Variants in FMN2 observed in about 807,000 individuals in gnomAD.
FMN2 encodes the protein formin 2.
FMN2 carries 51 observed loss-of-function variants against 142.3 expected under a neutral mutation model. The observed-to-expected ratio is 0.36, with a 90% CI of 0.29 to 0.45. The LOEUF (loss-of-function observed/expected upper bound fraction) is 0.45. Ranked by LOEUF, FMN2 falls within the 20% of genes least tolerant of loss-of-function variation. The pLI, the probability that FMN2 is intolerant of heterozygous loss-of-function variation, is 1.00. For missense variants in FMN2, 1,936 were observed against 2,122.8 expected, an observed-to-expected ratio of 0.91 and a Z score of 1.73; for synonymous variants, 882 against 869.8, an observed-to-expected ratio of 1.01 and a Z score of -0.25.
intron 14 of FMN2, among the ~76,000 whole-genome samples, chr1:240,358,879 A>G (rs946626452): frequency 6.6e-6 from 1 of 152,170 alleles, no homozygotes; most frequent in African/African-American, 2.4e-5. Flanking sequence ...GCTCACTCCC[A>G]TAATCCCGGC....
At chr1:240,427,528 A>C (rs920613995) in intron 15 of FMN2, among the ~76,000 whole-genome samples, 1 of 152,152 alleles carries the variant, frequency 6.6e-6, no homozygotes, top group Non-Finnish European at 1.5e-5. Flanking sequence ...TTTTGGTTAC[A>C]GTTTGTTTTG....
chr1:240,264,220 T>C (rs1668720086), intron 7 of FMN2, among the ~76,000 whole-genome samples: 1 of 152,156 alleles, frequency 6.6e-6, no homozygotes, highest in Admixed American at 6.6e-5. Context: ...GTCATGTTGC[T>C]GCTGTTTTGG....
intron 2 of FMN2, among the ~76,000 whole-genome samples, chr1:240,166,550 A>G (rs913340011): frequency 5.9e-5 from 9 of 152,158 alleles, no homozygotes; most frequent in African/African-American, 1.7e-4. Flanking sequence ...TATTTACAAT[A>G]TAAATTTATA....
chr1:240,317,695 T>A (rs1670837244), intron 8 of FMN2, among the ~76,000 whole-genome samples: 1 of 149,828 alleles, frequency 6.7e-6, no homozygotes, highest in African/African-American at 2.5e-5. Context: ...CACACAAAAC[T>A]GTTATGAACA....
intron 13 of FMN2, among the ~76,000 whole-genome samples, chr1:240,342,145 G>T (rs914309940): frequency 6.6e-6 from 1 of 152,074 alleles, no homozygotes; most frequent in Non-Finnish European, 1.5e-5. Context: ...ACTATTTCTG[G>T]TCCAAGGAGA....
intron 15 of FMN2, among the ~76,000 whole-genome samples, chr1:240,434,180 T>C (rs955739648): frequency 6.6e-6 from 1 of 152,222 alleles, no homozygotes; most frequent in African/African-American, 2.4e-5. Context: ...CTGAACATCT[T>C]TTAACTACTA....
chr1:240,298,481 A>T (rs1670070641), intron 8 of FMN2, among the ~76,000 whole-genome samples: 1 of 152,202 alleles, frequency 6.6e-6, no homozygotes, highest in African/African-American at 2.4e-5. Context: ...AGGGGTCCTC[A>T]ACCCTCAGGC....
At chr1:240,470,576 A>G (rs537229878) in intron 16 of FMN2, among the ~76,000 whole-genome samples, 24 of 152,328 alleles carry the variant, frequency 1.6e-4, no homozygotes, top group Admixed American at 7.2e-4. Context: ...TTGTTTAAAA[A>G]GAGGAATTGA....
At chr1:240,097,072 G>A (rs1397635699) in intron 1 of FMN2, among the ~76,000 whole-genome samples, 2 of 152,116 alleles carry the variant, frequency 1.3e-5, no homozygotes, top group African/African-American at 4.8e-5. Context: ...GATATCCAAC[G>A]TGTTAAATTT....
intron 15 of FMN2, among the ~76,000 whole-genome samples, chr1:240,429,290 T>G (rs1675057897): frequency 6.6e-6 from 1 of 152,240 alleles, no homozygotes; most frequent in African/African-American, 2.4e-5. Context: ...GTTTGTTTGA[T>G]AGACATGTCT....
At chr1:240,369,226 A>C (rs1048351886) in intron 14 of FMN2, among the ~76,000 whole-genome samples, 1 of 152,128 alleles carries the variant, frequency 6.6e-6, no homozygotes, top group Non-Finnish European at 1.5e-5. Flanking sequence ...TTCACATATA[A>C]GTGAGATCAA....
intron 4 of FMN2, among the ~76,000 whole-genome samples, chr1:240,205,739 G>T (rs2103382566): frequency 6.6e-6 from 1 of 151,866 alleles, no homozygotes; most frequent in Middle Eastern, 3.4e-3. Flanking sequence ...GGGATTACAG[G>T]CATGAGCCAC....
At chr1:240,149,891 G>T (rs376405226) in intron 2 of FMN2, among the ~76,000 whole-genome samples, 16 of 152,142 alleles carry the variant, frequency 1.1e-4, no homozygotes, top group African/African-American at 3.6e-4. Context: ...GATTTTTCAA[G>T]AAAATAGCAT....
intron 16 of FMN2, among the ~76,000 whole-genome samples, chr1:240,464,455 G>T (rs780047926): frequency 1.1e-4 from 16 of 151,996 alleles, no homozygotes; most frequent in Non-Finnish European, 1.6e-4. Flanking sequence ...ACAAAAAAAT[G>T]GTTTCAGGAA....
chr1:240,355,130 A>G (rs1026240011), intron 13 of FMN2, among the ~76,000 whole-genome samples: 1 of 152,166 alleles, frequency 6.6e-6, no homozygotes, highest in African/African-American at 2.4e-5. Context: ...GCTGCATATT[A>G]TCTGTGGACT....
At chr1:240,146,629 A>G (rs545967570) in intron 2 of FMN2, among the ~76,000 whole-genome samples, 1 of 152,244 alleles carries the variant, frequency 6.6e-6, no homozygotes, top group East Asian at 1.9e-4. Context: ...GCTTGAACCC[A>G]GGAGGTGGAT....
At chr1:240,332,999 G>T (rs1022110254) in intron 11 of FMN2, among the ~76,000 whole-genome samples, 1 of 152,070 alleles carries the variant, frequency 6.6e-6, no homozygotes, top group Non-Finnish European at 1.5e-5. Flanking sequence ...TGTCAAACTT[G>T]ATTATAAAGA....
intron 1 of FMN2, among the ~76,000 whole-genome samples, chr1:240,118,492 T>G (rs10926128): frequency 6.6e-6 from 1 of 151,918 alleles, no homozygotes; most frequent in African/African-American, 2.4e-5. Context: ...CTCCCCCACC[T>G]GGGACCCCCC....
chr1:240,240,065 T>G (rs1468390113), intron 6 of FMN2, among the ~76,000 whole-genome samples: 1 of 152,224 alleles, frequency 6.6e-6, no homozygotes. Context: ...ATTCTCTTTA[T>G]GTTCCGTCTG....
Sources: gnomAD v4.1 joint callset for allele counts (sites outside exome capture counted in the v4.1 genomes callset) on GRCh38, gnomAD v4.1.1 for gene constraint, MANE v1.5 for transcripts, NCBI Gene and HGNC (gene_info 2026-07-23, HGNC 2026-07-21) for gene names.